Variants in ZFP42 observed in about 807,000 individuals in gnomAD.
The protein encoded by ZFP42 is zinc finger protein 42 homolog.
For synonymous variants in ZFP42, 175 were observed against 144.6 expected, an observed-to-expected ratio of 1.21 and a Z score of -1.51; for missense variants, 438 against 377.1, an observed-to-expected ratio of 1.16 and a Z score of -1.34.
At chr4:188,000,244 G>T (rs1000860872) in intron 3 of ZFP42, among the ~76,000 whole-genome samples, 10 of 152,058 alleles carry the variant, frequency 6.6e-5, no homozygotes, top group African/African-American at 2.4e-4. Flanking sequence ...TTCAGATTTG[G>T]GATGCACAAG....
intron 1 of ZFP42, among the ~76,000 whole-genome samples, chr4:187,996,947 C>T (rs1210502303): frequency 6.6e-6 from 1 of 150,942 alleles, no homozygotes; most frequent in East Asian, 2.0e-4. Context: ...CGCGCCTGGG[C>T]CTCGCCCCAG....
rs1268378814 is a variant in ZFP42 at position 188,004,776 on chromosome 4, A to G, written c.*1036A>G. ...GTACTCCAGACTGGATAACAGCAAGAGCCCATCTTTTAAAAAAAGTAAAAA... is the reference window on the plus strand; with the variant it reads ...GTACTCCAGACTGGATAACAGCAAGGGCCCATCTTTTAAAAAAAGTAAAAA... On this transcript the variant is annotated 3_prime_UTR_variant, in exon 4 of 4. Coordinates refer to ENST00000326866, the MANE Select transcript of ZFP42 (RefSeq NM_174900.5). 3 of 167,040 alleles carry G rather than the reference A, an allele frequency of 1.8e-5. No individual in the cohort carries two copies. Among genetic ancestry groups the G allele is most frequent in the Non-Finnish European group, 4.4e-5 (3 of 68,136 alleles). The allele number at this position is 167,040 out of a possible 1,614,324, so 10.3% of individuals were successfully genotyped here. A position where few individuals can be genotyped will look rare whatever the true frequency, so the allele number is the denominator to read the frequency against.
chr4:188,000,741 A>C (rs1733778339), intron 3 of ZFP42, among the ~76,000 whole-genome samples: 1 of 152,242 alleles, frequency 6.6e-6, no homozygotes, highest in Admixed American at 6.5e-5. Context: ...CAGTACTTTG[A>C]GAAGCCGAGG....
At position 188,003,266 on chromosome 4, in the gene ZFP42, G is replaced by T; in HGVS notation, c.459G>T (p.Pro153=). The T allele has an allele frequency of 6.2e-7, 1 of 1,614,092 alleles. No individual in the cohort carries two copies. The highest frequency in any genetic ancestry group is 8.5e-7 in the Non-Finnish European group (1 of 1,180,038). Residue 153 remains proline (P), a synonymous_variant, in exon 4 of 4, where the codon CCG becomes CCT. Transcript: ENST00000326866. ...YSEYMTGKKL[P]PGGIPGIDLS... ...AGTACATGACAGGCAAGAAGCTTCC[G>T]CCTGGAGGAATACCTGGCATTGACC...
In ZFP42 at chr4:188,002,911, A is replaced by AC. The variant is rs1167821370; in HGVS notation, c.106dup (p.Leu36ProfsTer16). The AC allele has an allele frequency of 6.2e-7, 1 of 1,614,062 alleles. No individual in the cohort carries two copies. Among genetic ancestry groups the AC allele is most frequent in the Non-Finnish European group, 8.5e-7 (1 of 1,180,042 alleles). On this transcript the variant is annotated frameshift_variant, in exon 4 of 4. Coordinates refer to ENST00000326866, the MANE Select transcript of ZFP42 (RefSeq NM_174900.5). LOFTEE classifies it low-confidence loss of function (END_TRUNC). Reference sequence around the variant, plus strand: ...CCCAGGCAAGGCAAGTCAAGCCAAGACCTGCAGGCGGAAATAGAACCTGTC... The same window carrying AC: ...CCCAGGCAAGGCAAGTCAAGCCAAGACCCTGCAGGCGGAAATAGAACCTGTC...
intron 2 of ZFP42, among the ~76,000 whole-genome samples, 152 bp from the exon 3 acceptor site, chr4:187,999,457 C>A (rs1286968365): frequency 6.6e-6 from 1 of 152,124 alleles, no homozygotes; most frequent in Non-Finnish European, 1.5e-5. Flanking sequence ...CTATGTAACA[C>A]CCTGCATCAT....
chr4:188,003,280 C>G lies in ZFP42; in HGVS notation c.473C>G (p.Pro158Arg). 1 of 1,614,076 alleles carries G rather than the reference C, an allele frequency of 6.2e-7. No homozygotes were observed. The highest frequency in any genetic ancestry group is 8.5e-7 in the Non-Finnish European group (1 of 1,180,038). The stretch of plus-strand genomic sequence containing the variant: ...AAGAAGCTTCCGCCTGGAGGAATAC[C>G]TGGCATTGACCTATCAGATCCTAAA... ...TGKKLPPGGI[P>R]GIDLSDPKQL... The change falls in exon 4 of 4, where the codon CCT (proline) becomes CGT (arginine). Residue 158 changes from proline (P) to arginine (R), a missense_variant. Pro to Arg is a moderately radical substitution (Grantham distance 103). Coordinates refer to ENST00000326866, the MANE Select transcript of ZFP42 (RefSeq NM_174900.5).
Position 188,003,158 on chromosome 4 carries a change from A to G in ZFP42, c.351A>G (p.Glu117=). 6.2e-7 allele frequency: 1 copy of G among 1,614,118 alleles called. No individual in the cohort carries two copies. Among genetic ancestry groups the G allele is most frequent in the Non-Finnish European group, 8.5e-7 (1 of 1,180,026 alleles). The change falls in exon 4 of 4, where the codon GAA becomes GAG. Residue 117 remains glutamate, a synonymous_variant. Transcript: ENST00000326866. ...SQKVFEASSL[E]CSLEYMKKGV... ...AGGTTTTCGAAGCAAGCTCCCTTGA[A>G]TGTTCTTTGGAATACATGAAAAAAG...
chr4:187,996,263 T>G (rs1733556918), intron 1 of ZFP42, among the ~76,000 whole-genome samples: 1 of 152,164 alleles, frequency 6.6e-6, no homozygotes, highest in Non-Finnish European at 1.5e-5. Flanking sequence ...GAGATGGCAA[T>G]ACCCCCAACT....
chr4:187,998,317 C>G (rs1356482806), intron 1 of ZFP42, among the ~76,000 whole-genome samples: 1 of 150,412 alleles, frequency 6.6e-6, no homozygotes, highest in Admixed American at 6.7e-5. Flanking sequence ...GCCTGGGCAA[C>G]AAGAGGGAAA....
At chr4:187,997,177 C>G (rs1343177802) in intron 1 of ZFP42, among the ~76,000 whole-genome samples, 2 of 150,204 alleles carry the variant, frequency 1.3e-5, no homozygotes, top group Non-Finnish European at 3.0e-5. Context: ...GGGGCCTTTT[C>G]CAGACATTCA....
At chr4:188,002,101 C>T (rs893436761) in intron 3 of ZFP42, among the ~76,000 whole-genome samples, 5 of 152,100 alleles carry the variant, frequency 3.3e-5, no homozygotes, top group African/African-American at 1.2e-4. Flanking sequence ...TGCTTGAACC[C>T]GGGAGGTGGA....
intron 3 of ZFP42, among the ~76,000 whole-genome samples, chr4:188,000,655 C>T (rs994056294): frequency 1.3e-5 from 2 of 152,116 alleles, no homozygotes; most frequent in South Asian, 2.1e-4. Context: ...ATTACAGGCA[C>T]GAGCCACTGC....
intron 3 of ZFP42, among the ~76,000 whole-genome samples, chr4:188,000,490 G>A (rs1013147579): frequency 2.6e-5 from 4 of 151,944 alleles, no homozygotes; most frequent in Non-Finnish European, 5.9e-5. Flanking sequence ...AGGCTCAAGT[G>A]ATCTCCTGCC....
intron 3 of ZFP42, among the ~76,000 whole-genome samples, chr4:188,000,977 CAA>C (rs1025839981): frequency 1.3e-5 from 2 of 151,992 alleles, no homozygotes; most frequent in African/African-American, 4.8e-5. Flanking sequence ...GCCTGGGCAA[CAA>C]GAGCGAAACT....
intron 3 of ZFP42, among the ~76,000 whole-genome samples, chr4:188,001,135 GT>G (rs1733796045): frequency 6.7e-6 from 1 of 149,122 alleles, no homozygotes; most frequent in African/African-American, 2.5e-5. Context: ...ATATGTATTT[GT>G]TTTTTACCAA....
At chr4:188,005,202 T>G (rs567071830), downstream of ZFP42, among the ~76,000 whole-genome samples, 8 of 152,358 alleles carry the variant, frequency 5.3e-5, no homozygotes, top group Admixed American at 1.3e-4. Flanking sequence ...GGATAAGGGA[T>G]AAACTGTCAC....
intron 1 of ZFP42, among the ~76,000 whole-genome samples, chr4:187,998,094 T>G (rs1227885132): frequency 6.6e-6 from 1 of 152,194 alleles, no homozygotes; most frequent in Non-Finnish European, 1.5e-5. Flanking sequence ...CCCAGCATTT[T>G]GAGAGCCTGA....
In ZFP42 at chr4:188,002,853, G is replaced by A; in HGVS notation, c.46G>A (p.Gly16Ser). The A allele has an allele frequency of 1.9e-6, 3 of 1,614,182 alleles. No homozygotes were observed. The highest frequency in any genetic ancestry group is 2.5e-6 in the Non-Finnish European group (3 of 1,180,024). Reference protein sequence around the residue: ...KKRAKTRHQKGLGGRAPSGAK... With the variant: ...KKRAKTRHQKSLGGRAPSGAK... ...ACGGGCAAAGACAAGACACCAGAAA[G>A]GCCTGGGTGGAAGAGCCCCCAGTGG... Residue 16 changes from glycine to serine, a missense_variant, in exon 4 of 4, where the codon GGC (glycine) becomes AGC (serine). By Grantham distance (56) the Gly-to-Ser change is moderately conservative (BLOSUM62 0). Coordinates refer to ENST00000326866, the MANE Select transcript of ZFP42 (RefSeq NM_174900.5).
Sources: gnomAD v4.1 joint callset for allele counts (sites outside exome capture counted in the v4.1 genomes callset) on GRCh38, gnomAD v4.1.1 for gene constraint, MANE v1.5 for transcripts, NCBI Gene and HGNC (gene_info 2026-07-23, HGNC 2026-07-21) for gene names.